EMC8: variants seen among roughly 807,000 people sequenced by gnomAD.
The protein encoded by EMC8 is COX4 neighbor.
In EMC8, 11 loss-of-function variants were observed where a neutral mutation model predicts 24.3. The ratio of observed to expected loss-of-function variants is 0.45; its 90% CI spans 0.28 to 0.75. The LOEUF is 0.75. Among genes scored for constraint, EMC8 ranks in the 30% least tolerant of loss-of-function variants. The probability of loss-of-function intolerance (pLI) is 0.12; values close to 1 mark genes in which losing one functional copy is unlikely to be tolerated. For missense variants in EMC8, 277 were observed against 282.7 expected (o/e 0.98, Z 0.14); for synonymous variants, 145 against 117.7 (o/e 1.23, Z -1.50).
rs749623540 is a variant in EMC8, at chr16:85,779,682, C to A, written c.*26G>T. 1 of 1,610,380 alleles carries A rather than the reference C, an allele frequency of 6.2e-7. No individual in the cohort carries two copies. The highest frequency in any genetic ancestry group is 1.3e-5 in the African/African-American group (1 of 74,876). On this transcript the variant is annotated 3_prime_UTR_variant, in exon 5 of 5. Transcript: ENST00000253457. Reference sequence around the variant, plus strand: ...TCTTCTTCAACGTAGTGGAAAGGCCCGGAGCCCAGTCACAGCGGTGCCTGC... The same window carrying A: ...TCTTCTTCAACGTAGTGGAAAGGCCAGGAGCCCAGTCACAGCGGTGCCTGC...
At position 85,798,247 on chromosome 16, in the gene EMC8, G is replaced by A. The variant is rs558883489; in HGVS notation, c.231+818C>T. On this transcript the variant is annotated intron_variant, in intron 1 of 4. Transcript: ENST00000253457. ...AGCGATTCTCTTGCCTCAGCCTCCC[G>A]AGTGGCTGGGATGACAGGCGCCCGC... Among the ~76,000 whole-genome samples, 213 of 148,022 alleles carry A rather than the reference G, an allele frequency of 1.4e-3. 1 individual carries two copies. Among genetic ancestry groups the A allele is most frequent in the African/African-American group, 4.8e-3 (194 of 40,334 alleles).
chr16:85,783,277 T>C (rs1904595143), intron 2 of EMC8, among the ~76,000 whole-genome samples: 1 of 143,010 alleles, frequency 7.0e-6, no homozygotes, highest in South Asian at 2.4e-4. Context: ...TACTCCAGCC[T>C]GGGCAACAGT....
chr16:85,794,699 G>C (rs572112175), intron 1 of EMC8, among the ~76,000 whole-genome samples: 1 of 152,162 alleles, frequency 6.6e-6, no homozygotes, highest in Non-Finnish European at 1.5e-5. Flanking sequence ...GGAAAAGTCA[G>C]TATAAATAAC....
rs779376292 is a variant in EMC8, at chr16:85,779,792, G to T, written c.549C>A (p.Leu183=). ...CATCCAGGTGGTTATCGAAATCCAC[G>T]AGCGTCTCGTAGGACCGGCTGTCCA... The part of the protein sequence containing the change: ...SLLDSRSYET[L]VDFDNHLDDI... Residue 183 remains leucine (L), a synonymous_variant, in exon 5 of 5, where the codon CTC becomes CTA. Coordinates refer to ENST00000253457, the MANE Select transcript of EMC8 (RefSeq NM_006067.5). The T allele has an allele frequency of 1.2e-6, 2 of 1,614,148 alleles. No individual in the cohort carries two copies. The highest frequency in any genetic ancestry group is 1.7e-6 in the Non-Finnish European group (2 of 1,179,992).
chr16:85,787,914 T>C (rs1369127153), intron 2 of EMC8, among the ~76,000 whole-genome samples: 1 of 152,218 alleles, frequency 6.6e-6, no homozygotes, highest in Non-Finnish European at 1.5e-5. Context: ...GTGATAGCAA[T>C]GCTGTCACCA....
At chr16:85,788,517 G>T (rs1398745651) in intron 2 of EMC8, among the ~76,000 whole-genome samples, 1 of 152,234 alleles carries the variant, frequency 6.6e-6, no homozygotes, top group Non-Finnish European at 1.5e-5. Flanking sequence ...TCTGGATAAA[G>T]GAAAAGAAAG....
rs971259885 is a variant in EMC8, at chr16:85,788,590, T to C, written c.308+384A>G. Among the ~76,000 whole-genome samples the C allele has an allele frequency of 3.3e-5, 5 of 152,182 alleles. No individual in the cohort carries two copies. The East Asian group carries it at 9.6e-4, about 29-fold the overall frequency. On this transcript the variant is annotated intron_variant, in intron 2 of 4. Transcript: ENST00000253457. The stretch of plus-strand genomic sequence containing the variant: ...TTCATCAGAGTACTGACCCCAAACC[T>C]ACAGGCTGGTCTATTTACCGGCAAA...
chr16:85,783,259 T>G (rs900362280), intron 2 of EMC8, among the ~76,000 whole-genome samples: 1 of 151,810 alleles, frequency 6.6e-6, no homozygotes, highest in Non-Finnish European at 1.5e-5. Flanking sequence ...GCTGAGATCA[T>G]GCCACTGTAC....
At chr16:85,791,691 C>T (rs1267245052) in intron 1 of EMC8, among the ~76,000 whole-genome samples, 1 of 152,212 alleles carries the variant, frequency 6.6e-6, no homozygotes, top group Non-Finnish European at 1.5e-5. Flanking sequence ...GAGGAGAATC[C>T]TTTTCCTTGC....
At chr16:85,798,794 C>A in intron 1 of EMC8, 1 of 423,398 alleles carries the variant, frequency 2.4e-6, no homozygotes, top group Non-Finnish European at 4.2e-6. Context: ...TCTACAAAGG[C>A]TACTGATTTC....
chr16:85,796,920 T>G (rs1905261237), intron 1 of EMC8, among the ~76,000 whole-genome samples: 3 of 152,206 alleles, frequency 2.0e-5, no homozygotes, highest in Non-Finnish European at 4.4e-5. Context: ...TGCTGCACCT[T>G]CAAGTGCTAA....
At chr16:85,779,964 G>A in intron 4 of EMC8, 97 bp from the exon 5 acceptor site, 10 of 957,110 alleles carry the variant, frequency 1.0e-5, no homozygotes, top group Non-Finnish European at 1.6e-5. Flanking sequence ...ACAGTGGTAT[G>A]AACAGAGATG....
chr16:85,785,735 A>C (rs984303531), intron 2 of EMC8, among the ~76,000 whole-genome samples: 1 of 151,980 alleles, frequency 6.6e-6, no homozygotes, highest in East Asian at 1.9e-4. Context: ...CTAGTCAGGA[A>C]CTCCTTGTTC....
rs773695111 is a variant in EMC8, at chr16:85,799,302, C to T, written c.-7G>A. The T allele has an allele frequency of 1.7e-5, 27 of 1,585,090 alleles. No homozygotes were observed. Among genetic ancestry groups the T allele is most frequent in the Non-Finnish European group, 2.1e-5 (25 of 1,167,858 alleles). ...TCAGTTTCACCCCGGGCATGCTGAC[C>T]CGGGAGGGCCCCGGAGGCCCCTGGG... On this transcript the variant is annotated 5_prime_UTR_variant, in exon 1 of 5. Transcript: ENST00000253457. The surrounding 1 kb of genome is among the most constrained non-coding windows in gnomAD (Gnocchi z 4.2).
At position 85,779,860 on chromosome 16, in the gene EMC8, A is replaced by G; in HGVS notation, c.481T>C (p.Cys161Arg). The G allele has an allele frequency of 6.2e-7, 1 of 1,614,112 alleles. No individual in the cohort carries two copies. The highest frequency in any genetic ancestry group is 8.5e-7 in the Non-Finnish European group (1 of 1,180,012). The stretch of plus-strand genomic sequence containing the variant: ...CTCTGTGCCTCTGGCCAGTCTTCAC[A>G]GTAGTCACTACGGGTCAAACATGAA... ...WRCRDPHHDY[C>R]EDWPEAQRIS... The change falls in exon 5 of 5, where the codon TGT (cysteine) becomes CGT (arginine). Residue 161 changes from cysteine (C) to arginine (R), a missense_variant. By Grantham distance (180) the Cys-to-Arg change is radical. Coordinates refer to ENST00000253457, the MANE Select transcript of EMC8 (RefSeq NM_006067.5).
rs1006134615 is a variant in EMC8, at chr16:85,787,068, G to T, written c.308+1906C>A. On this transcript the variant is annotated intron_variant, in intron 2 of 4. Coordinates refer to ENST00000253457, the MANE Select transcript of EMC8 (RefSeq NM_006067.5). ...CCAGGAACACCTTCCTGCCAAGGGTGCTCCCCACTGCTTGCAAGGTGAAGT... is the reference window on the plus strand; with the variant it reads ...CCAGGAACACCTTCCTGCCAAGGGTTCTCCCCACTGCTTGCAAGGTGAAGT... Among the ~76,000 whole-genome samples the T allele has an allele frequency of 4.6e-5, 7 of 152,158 alleles. No homozygotes were observed. In the East Asian group the frequency reaches 1.3e-3, roughly 29 times the overall value.
chr16:85,789,150 T>C (rs914742694), intron 1 of EMC8, 100 bp from the exon 2 acceptor site: 4 of 817,696 alleles, frequency 4.9e-6, no homozygotes, highest in South Asian at 1.4e-5. Context: ...GGACAAGACA[T>C]GACAGAATCT....
chr16:85,799,255 ATCT>A lies in EMC8; in HGVS notation c.38_40del (p.Lys13del). The stretch of plus-strand genomic sequence containing the variant: ...CGGGTACTTGGCGCCGTGCAGCACC[ATCT>A]TGCAGTAGGCCTGGGTGGTCAGTTT... On this transcript the variant is annotated inframe_deletion, in exon 1 of 5. Coordinates refer to ENST00000253457, the MANE Select transcript of EMC8 (RefSeq NM_006067.5). The surrounding 1 kb of genome is among the most constrained non-coding windows in gnomAD (Gnocchi z 4.2). 1 of 1,612,432 alleles carries A rather than the reference ATCT, an allele frequency of 6.2e-7. No individual in the cohort carries two copies. Among genetic ancestry groups the A allele is most frequent in the Non-Finnish European group, 8.5e-7 (1 of 1,179,806 alleles).
At chr16:85,781,112 A>G in intron 3 of EMC8, 99 bp downstream of exon 3, 1 of 799,296 alleles carries the variant, frequency 1.3e-6, no homozygotes, top group Non-Finnish European at 2.2e-6. Flanking sequence ...CAGATAAATG[A>G]GTGAAGGGGT....
Sources: gnomAD v4.1 joint callset for allele counts (sites outside exome capture counted in the v4.1 genomes callset) on GRCh38, gnomAD v4.1.1 for gene constraint, Gnocchi (gnomAD v3.1) non-coding constraint, MANE v1.5 for transcripts, NCBI Gene and HGNC (gene_info 2026-07-23, HGNC 2026-07-21) for gene names.